The following MEST variants were observed in gnomAD, a reference collection of about 807,000 sequenced individuals.
MEST encodes mesoderm-specific transcript homolog protein.
MEST carries 18 observed loss-of-function variants against 50.9 expected under a neutral mutation model. That is an observed-to-expected ratio of 0.35 (90% CI 0.24 to 0.52). MEST has a LOEUF of 0.52. MEST is among the 20% of genes least tolerant of loss of function. The pLI is 0.94. For synonymous variants in MEST, 130 were observed against 154.1 expected, an observed-to-expected ratio of 0.84 and a Z score of 1.16; for missense variants, 282 against 425.3, an observed-to-expected ratio of 0.66 and a Z score of 2.96.
Position 130,497,840 on chromosome 7 carries a change from T to G in MEST, c.262-96T>G, listed in dbSNP as rs1799122689. Reference sequence around the variant, plus strand: ...GCGTTTTCTCTTTATGGAAGTCTGTTAAGCCAAGATAGGGCTGAAGCTCCT... The same window carrying G: ...GCGTTTTCTCTTTATGGAAGTCTGTGAAGCCAAGATAGGGCTGAAGCTCCT... On this transcript the variant is annotated intron_variant, in intron 3 of 11. Coordinates refer to ENST00000223215, the MANE Select transcript of MEST (RefSeq NM_002402.4). The surrounding 1 kb of genome is among the most constrained non-coding windows in gnomAD (Gnocchi z 4.0). 3 of 1,101,634 alleles carry G rather than the reference T, an allele frequency of 2.7e-6. No individual in the cohort carries two copies. The highest frequency in any genetic ancestry group is 4.2e-6 in the Non-Finnish European group (3 of 716,026). The allele number at this position is 1,101,634 out of a possible 1,614,324, so 68.2% of individuals were successfully genotyped here.
intron 2 of MEST, chr7:130,496,161 G>T: frequency 2.1e-6 from 1 of 466,774 alleles, no homozygotes; most frequent in Non-Finnish European, 4.4e-6. Context: ...GTCATAAACC[G>T]TTTTTCATTA....
Position 130,500,027 on chromosome 7 carries a change from C to A in MEST, c.576+112C>A. The A allele has an allele frequency of 2.2e-6, 2 of 902,592 alleles. No individual in the cohort carries two copies. The highest frequency in any genetic ancestry group is 1.8e-5 in the South Asian group (1 of 56,416). 55.9% of individuals were successfully genotyped at this position (902,592 alleles called of 1,614,324 possible). ...AACTGGCAGTAGTTAAATCCTCTTCCTTGTGAATTTCTATTAATGAAGTTA... is the reference window on the plus strand; with the variant it reads ...AACTGGCAGTAGTTAAATCCTCTTCATTGTGAATTTCTATTAATGAAGTTA... On this transcript the variant is annotated intron_variant, in intron 7 of 11. Transcript: ENST00000223215. This position sits in a 1 kb window ranked among gnomAD's most constrained non-coding sequence, Gnocchi z 5.0.
intron 6 of MEST, chr7:130,498,885 T>C (rs529075746): frequency 9.5e-5 from 18 of 189,704 alleles, no homozygotes. Context: ...GGATTGAAGA[T>C]ACAGAAAAAA....
chr7:130,493,630 C>T (rs1798921653), intron 1 of MEST, among the ~76,000 whole-genome samples: 1 of 151,980 alleles, frequency 6.6e-6, no homozygotes, highest in South Asian at 2.1e-4. Context: ...GTTTTTTAAC[C>T]CCCCACTTTC....
chr7:130,496,384 A>T (rs1799061953), intron 2 of MEST: 1 of 331,636 alleles, frequency 3.0e-6, no homozygotes, highest in African/African-American at 2.3e-5. Context: ...TCAAGAACAA[A>T]ACTCTTAGGC....
chr7:130,498,672 A>G (rs1048241921), intron 6 of MEST, 195 bp downstream of exon 6: 1 of 619,150 alleles, frequency 1.6e-6, no homozygotes, highest in Non-Finnish European at 2.9e-6. Flanking sequence ...ATGTTTTAAA[A>G]TAAAGAAACA....
At chr7:130,496,397 A>C (rs1218173880) in intron 2 of MEST, 1 of 320,964 alleles carries the variant, frequency 3.1e-6, no homozygotes, top group African/African-American at 2.3e-5. Context: ...TCTTAGGCTA[A>C]AGTATATACA....
At position 130,506,419 on chromosome 7, in the gene MEST, G is replaced by GTATT; in HGVS notation, c.*1365_*1368dup. 5.5e-6 allele frequency: 1 copy of GTATT among 183,370 alleles called. No individual in the cohort carries two copies. Among genetic ancestry groups the GTATT allele is most frequent in the Non-Finnish European group, 1.1e-5 (1 of 94,722 alleles). 11.4% of individuals were successfully genotyped at this position (183,370 alleles called of 1,614,324 possible). ...AGTTAAGCAGCTGGAGTATAGGATA[G>GTATT]TATTTGATTTTCAAGATCACCCAAA... On this transcript the variant is annotated 3_prime_UTR_variant, in exon 12 of 12. Coordinates refer to ENST00000223215, the MANE Select transcript of MEST (RefSeq NM_002402.4).
Position 130,497,574 on chromosome 7 carries a change from T to A in MEST, c.261+339T>A, listed in dbSNP as rs1053803278. On this transcript the variant is annotated intron_variant, in intron 3 of 11. Coordinates refer to ENST00000223215, the MANE Select transcript of MEST (RefSeq NM_002402.4). The surrounding 1 kb of genome is among the most constrained non-coding windows in gnomAD (Gnocchi z 4.0). ...TCTGTCTCAAAAAAAAATTTTTTTTTAATAAAAATTTAAAAAACCTCAAGG... is the reference window on the plus strand; with the variant it reads ...TCTGTCTCAAAAAAAAATTTTTTTTAAATAAAAATTTAAAAAACCTCAAGG... 20 of 242,576 alleles carry A rather than the reference T, an allele frequency of 8.2e-5. No individual in the cohort carries two copies. The highest frequency in any genetic ancestry group is 2.0e-4 in the African/African-American group (9 of 43,952). 15.0% of individuals were successfully genotyped at this position (242,576 alleles called of 1,614,324 possible). A position where few individuals can be genotyped will look rare whatever the true frequency, so the allele number is the denominator to read the frequency against.
chr7:130,502,773 A>C, intron 10 of MEST, 53 bp downstream of exon 10: 9 of 1,302,074 alleles, frequency 6.9e-6, no homozygotes, highest in Non-Finnish European at 1.0e-5. Flanking sequence ...GGGTTAAAGT[A>C]ATCGCAACTC....
At chr7:130,490,270 C>A (rs1433197855), upstream of MEST, among the ~76,000 whole-genome samples, 8 of 152,162 alleles carry the variant, frequency 5.3e-5, no homozygotes, top group African/African-American at 1.9e-4. Context: ...GAACAAATTC[C>A]TAATTCCCTA....
upstream of MEST, among the ~76,000 whole-genome samples, chr7:130,490,540 A>G (rs535642010): frequency 5.5e-4 from 84 of 152,280 alleles, no homozygotes; most frequent in South Asian, 6.2e-3. Context: ...TGTGGCCGGC[A>G]CCGTGGCGGG....
At chr7:130,502,555 C>T in intron 9 of MEST, 89 bp from the exon 10 acceptor site, 1 of 934,236 alleles carries the variant, frequency 1.1e-6, no homozygotes, top group South Asian at 1.4e-5. Context: ...GAAATTGTAT[C>T]TTGTGTTCCT....
rs782159836 is a variant in MEST at position 130,500,208 on chromosome 7, C to A, written c.577-254C>A. Among the ~76,000 whole-genome samples, 1 of 152,178 alleles carries A rather than the reference C, an allele frequency of 6.6e-6. No individual in the cohort carries two copies. Among genetic ancestry groups the A allele is most frequent in the Non-Finnish European group, 1.5e-5 (1 of 68,038 alleles). The stretch of plus-strand genomic sequence containing the variant: ...GATGTTTGAACAAATTAGGATCCTA[C>A]TCTAAACTTGAATATATCAGAGTTA... On this transcript the variant is annotated intron_variant, in intron 7 of 11. Coordinates refer to ENST00000223215, the MANE Select transcript of MEST (RefSeq NM_002402.4). This position sits in a 1 kb window ranked among gnomAD's most constrained non-coding sequence, Gnocchi z 5.0.
rs1244035319 is a variant in MEST at position 130,499,895 on chromosome 7, C to T, written c.556C>T (p.Arg186Cys). ...TACAGGTATCTTTCCTGAGACTCACCGTCCACTCCTTCTCCAAAAGGTTGG... is the reference window on the plus strand; with the variant it reads ...TACAGGTATCTTTCCTGAGACTCACTGTCCACTCCTTCTCCAAAAGGTTGG... ...SNGGIFPETH[R>C]PLLLQKLLKD... Residue 186 changes from arginine (R) to cysteine (C), a missense_variant, in exon 7 of 12, where the codon CGT (arginine) becomes TGT (cysteine). Arg to Cys is a radical substitution (Grantham distance 180). Transcript: ENST00000223215. The T allele has an allele frequency of 8.7e-6, 14 of 1,612,354 alleles. No individual in the cohort carries two copies. The highest frequency in any genetic ancestry group is 1.3e-5 in the African/African-American group (1 of 74,876).
chr7:130,486,548 G>C (rs1475524599), intron 1 of MEST: 2 of 152,834 alleles, frequency 1.3e-5, no homozygotes, highest in African/African-American at 4.8e-5. Flanking sequence ...GGAGGCGTGA[G>C]GCTGTGCTGG....
Position 130,500,322 on chromosome 7 carries a change from G to A in MEST, c.577-140G>A, listed in dbSNP as rs1156717343. The A allele has an allele frequency of 1.5e-6, 1 of 671,110 alleles. No homozygotes were observed. The highest frequency in any genetic ancestry group is 1.8e-5 in the African/African-American group (1 of 54,812). The allele number at this position is 671,110 out of a possible 1,614,324, so 41.6% of individuals were successfully genotyped here. ...CTTCCTTGAGAGAAGAATGCGGGTAGGCAAAACAAAATGCCAAGTACCAAA... is the reference window on the plus strand; with the variant it reads ...CTTCCTTGAGAGAAGAATGCGGGTAAGCAAAACAAAATGCCAAGTACCAAA... On this transcript the variant is annotated intron_variant, in intron 7 of 11. Coordinates refer to ENST00000223215, the MANE Select transcript of MEST (RefSeq NM_002402.4). The surrounding 1 kb of genome is among the most constrained non-coding windows in gnomAD (Gnocchi z 5.0).
At chr7:130,499,992 T>C (rs375482098) in intron 7 of MEST, 77 bp downstream of exon 7, 57 of 1,178,896 alleles carry the variant, frequency 4.8e-5, no homozygotes, top group Non-Finnish European at 6.6e-5. Flanking sequence ...TTAAGGGCCA[T>C]AGCTCCTGTA....
At chr7:130,496,134 A>G (rs1554436905) in intron 2 of MEST, 1 of 469,452 alleles carries the variant, frequency 2.1e-6, no homozygotes, top group Non-Finnish European at 4.4e-6. Context: ...GGTCAAGAGC[A>G]ATAACGAAAA....
Sources: allele counts gnomAD v4.1 joint callset (sites outside exome capture counted in the v4.1 genomes callset), GRCh38; gene constraint gnomAD v4.1.1; non-coding constraint Gnocchi (gnomAD v3.1); transcripts MANE v1.5; gene names NCBI Gene and HGNC (gene_info 2026-07-23, HGNC 2026-07-21).